The following GALNTL5 variants were observed in gnomAD, a reference collection of about 807,000 sequenced individuals.
GALNTL5 encodes inactive polypeptide N-acetylgalactosaminyltransferase-like protein 5.
A neutral mutation model predicts 51.0 loss-of-function variants in GALNTL5; 44 were observed. The observed-to-expected ratio is 0.86, with a 90% CI of 0.68 to 1.11. The LOEUF is 1.11. Ranked by LOEUF, GALNTL5 falls within the 50% of genes least tolerant of loss-of-function variation. GALNTL5 has a pLI of 0.00. For synonymous variants in GALNTL5, 192 were observed against 182.8 expected (o/e 1.05, Z -0.41); for missense variants, 528 against 531.8 (o/e 0.99, Z 0.07).
rs920467824 is a variant in GALNTL5, at chr7:151,957,478, A to T, written c.-40+869A>T. Among the ~76,000 whole-genome samples, 3 of 151,038 alleles carry T rather than the reference A, an allele frequency of 2.0e-5. No homozygotes were observed. The East Asian group carries it at 5.8e-4, about 29-fold the overall frequency. On this transcript the variant is annotated intron_variant, in intron 1 of 8. Coordinates refer to ENST00000392800, the MANE Select transcript of GALNTL5 (RefSeq NM_145292.4). ...AGAGGAGGATCATTTGAGCCTGGGA[A>T]GTCAAGGCTGCAGTGAGCTGTAATT...
At chr7:152,010,596 C>T (rs1049236366) in intron 7 of GALNTL5, among the ~76,000 whole-genome samples, 3 of 151,816 alleles carry the variant, frequency 2.0e-5, no homozygotes, top group Non-Finnish European at 2.9e-5. Flanking sequence ...GGTGAAACCC[C>T]GTCTCTTCTA....
chr7:151,995,669 A>AC (rs1419443193), intron 5 of GALNTL5, among the ~76,000 whole-genome samples: 2 of 151,486 alleles, frequency 1.3e-5, no homozygotes, highest in Admixed American at 1.3e-4. Flanking sequence ...CATCACCTAC[A>AC]TTTTTTTTGG....
chr7:152,002,249 C>T (rs1272241487), intron 5 of GALNTL5, among the ~76,000 whole-genome samples: 1 of 151,636 alleles, frequency 6.6e-6, no homozygotes, highest in Non-Finnish European at 1.5e-5. Context: ...CACTGCACTC[C>T]AGCCTGGGTG....
intron 3 of GALNTL5, among the ~76,000 whole-genome samples, chr7:151,981,403 C>G (rs977525683): frequency 1.8e-4 from 27 of 152,058 alleles, no homozygotes; most frequent in Non-Finnish European, 3.5e-4. Flanking sequence ...ATTATTTTTC[C>G]CAAATGTAAA....
chr7:151,984,024 G>A (rs1335181199), intron 4 of GALNTL5: 1 of 152,232 alleles, frequency 6.6e-6, no homozygotes, highest in Non-Finnish European at 1.5e-5. Context: ...AGAGCAGCCT[G>A]GGCAACATGG....
At chr7:151,973,712 A>G (rs2081174914) in intron 3 of GALNTL5, among the ~76,000 whole-genome samples, 1 of 152,194 alleles carries the variant, frequency 6.6e-6, no homozygotes, top group Admixed American at 6.5e-5. Context: ...TGCTGGAATG[A>G]GTTAATACTT....
intron 3 of GALNTL5, among the ~76,000 whole-genome samples, chr7:151,974,568 G>A (rs540708471): frequency 9.9e-5 from 15 of 152,182 alleles, no homozygotes; most frequent in African/African-American, 2.9e-4. Context: ...CTCAAGAGAC[G>A]TGGAGTTTGT....
chr7:151,963,691 C>T (rs2081021851), intron 1 of GALNTL5, among the ~76,000 whole-genome samples: 1 of 152,190 alleles, frequency 6.6e-6, no homozygotes, highest in Non-Finnish European at 1.5e-5. Flanking sequence ...AGCCACTGCG[C>T]CTGGCCATTT....
In GALNTL5 at chr7:151,967,493, G is replaced by A. The variant is rs761052398; in HGVS notation, c.247G>A (p.Gly83Ser). ...TDEDKAKSMLGTDFNHTNPEL... is the reference protein window; with the variant it reads ...TDEDKAKSMLSTDFNHTNPEL... ...TGAAGATAAAGCAAAGTCTATGTTA[G>A]GTAAGTATTTGGATTTTTTTCCGTT... Residue 83 changes from glycine (G) to serine (S), a missense_variant and splice_region_variant, in exon 2 of 9, where the codon GGT becomes AGT. Transcript: ENST00000392800. 1 of 1,608,886 alleles carries A rather than the reference G, an allele frequency of 6.2e-7. No homozygotes were observed. Among genetic ancestry groups the A allele is most frequent in the Admixed American group, 1.7e-5 (1 of 59,236 alleles).
chr7:151,984,167 C>T (rs2081332528), intron 4 of GALNTL5: 2 of 152,112 alleles, frequency 1.3e-5, no homozygotes, highest in Non-Finnish European at 2.9e-5. Context: ...TCTAGGAATT[C>T]CATGAAAGAA....
At chr7:151,996,265 A>T (rs1386308000) in intron 5 of GALNTL5, among the ~76,000 whole-genome samples, 3 of 151,946 alleles carry the variant, frequency 2.0e-5, no homozygotes, top group African/African-American at 4.8e-5. Flanking sequence ...TGTGCAGGTT[A>T]GTTACATATG....
intron 1 of GALNTL5, among the ~76,000 whole-genome samples, chr7:151,964,269 G>T (rs112026964): frequency 2.0e-5 from 3 of 152,148 alleles, no homozygotes; most frequent in African/African-American, 7.2e-5. Context: ...AAATGCAGTC[G>T]CACTGGGGCT....
intron 4 of GALNTL5, among the ~76,000 whole-genome samples, chr7:151,986,752 G>A (rs1026890827): frequency 5.5e-5 from 8 of 146,102 alleles, no homozygotes; most frequent in African/African-American, 1.8e-4. Flanking sequence ...TTTGAGATAG[G>A]GTTTTGCTCT....
At chr7:151,962,096 G>A (rs1969554) in intron 1 of GALNTL5, among the ~76,000 whole-genome samples, 114,303 of 150,506 alleles carry the variant, frequency 0.76, 43,633 homozygotes, top group African/African-American at 0.82. Flanking sequence ...TCCAACTCCC[G>A]GGTTGAAGCG....
chr7:152,002,145 T>G (rs2081587653), intron 5 of GALNTL5, among the ~76,000 whole-genome samples: 1 of 152,076 alleles, frequency 6.6e-6, no homozygotes, highest in Non-Finnish European at 1.5e-5. Context: ...CCTGGCATGT[T>G]GGCAGGCACC....
chr7:151,989,181 G>A (rs576943600), intron 5 of GALNTL5, among the ~76,000 whole-genome samples: 2 of 147,244 alleles, frequency 1.4e-5, no homozygotes, highest in Non-Finnish European at 3.0e-5. Flanking sequence ...AGACAGTCTC[G>A]CTCTGTCACC....
At chr7:151,996,171 A>G (rs2151953545) in intron 5 of GALNTL5, among the ~76,000 whole-genome samples, 1 of 152,220 alleles carries the variant, frequency 6.6e-6, no homozygotes, top group Admixed American at 6.5e-5. Context: ...AAATACCCTG[A>G]CACAGATTTT....
intron 7 of GALNTL5, among the ~76,000 whole-genome samples, chr7:152,009,348 G>C (rs1203181469): frequency 3.3e-5 from 5 of 152,144 alleles, no homozygotes. Context: ...GTCCTTAATG[G>C]ATGGCTTTTG....
chr7:152,015,147 C>A (rs1332004950), intron 8 of GALNTL5, among the ~76,000 whole-genome samples: 1 of 152,088 alleles, frequency 6.6e-6, no homozygotes, highest in African/African-American at 2.4e-5. Context: ...CCATCCCCAA[C>A]CCTATTCTCA....
Sources: gnomAD v4.1 joint callset for allele counts (sites outside exome capture counted in the v4.1 genomes callset) on GRCh38, gnomAD v4.1.1 for gene constraint, MANE v1.5 for transcripts, NCBI Gene and HGNC (gene_info 2026-07-23, HGNC 2026-07-21) for gene names.